The following KIF26B variants were observed in gnomAD, a reference collection of about 807,000 sequenced individuals.
KIF26B encodes kinesin-like protein KIF26B.
Under a neutral mutation model 151.2 loss-of-function variants are expected in KIF26B, and 63 were observed. The observed-to-expected ratio is 0.42, with a 90% CI of 0.34 to 0.51. The LOEUF (loss-of-function observed/expected upper bound fraction) is 0.51, where lower values mean the gene tolerates loss of function less well. Among genes scored for constraint, KIF26B ranks in the 20% least tolerant of loss-of-function variants. The pLI is 0.07. For synonymous variants in KIF26B, 1,357 were observed against 1,262.1 expected, an observed-to-expected ratio of 1.08 and a Z score of -1.59; for missense variants, 2,813 against 2,913.6, an observed-to-expected ratio of 0.97 and a Z score of 0.79.
chr1:245,609,193 A>G, intron 7 of KIF26B, 73 bp from the exon 8 acceptor site: 1 of 1,357,486 alleles, frequency 7.4e-7, no homozygotes, highest in Admixed American at 2.8e-5. Context: ...TATCCTTGGC[A>G]TCTATTTTGG....
At chr1:245,395,954 C>G (rs1385671630) in intron 3 of KIF26B, among the ~76,000 whole-genome samples, 1 of 152,280 alleles carries the variant, frequency 6.6e-6, no homozygotes. Flanking sequence ...AAATTTCTTC[C>G]TAGCGATGGT....
chr1:245,655,986 T>G (rs148527673), intron 10 of KIF26B, among the ~76,000 whole-genome samples: 113 of 152,318 alleles, frequency 7.4e-4, no homozygotes, highest in African/African-American at 2.6e-3. Flanking sequence ...TGGAGGAATT[T>G]AAGGAACTGG....
chr1:245,436,960 C>T lies in KIF26B; in HGVS notation c.1166+17215C>T, dbSNP rs561635140. Reference sequence around the variant, plus strand: ...GGAGTGCAGTGGCATGACCTCAGCTCACTGCAACCTCCACCTCCTGGGTTC... The same window carrying T: ...GGAGTGCAGTGGCATGACCTCAGCTTACTGCAACCTCCACCTCCTGGGTTC... On this transcript the variant is annotated intron_variant, in intron 4 of 14. Transcript: ENST00000407071. Among the ~76,000 whole-genome samples, 18 of 147,792 alleles carry T rather than the reference C, an allele frequency of 1.2e-4. No homozygotes were observed. In the South Asian group the frequency reaches 3.4e-3, roughly 28 times the overall value.
At position 245,267,078 on chromosome 1, in the gene KIF26B, G is replaced by A. The variant is rs148532738; in HGVS notation, c.466-99756G>A. ...AAGCAAGGTTTGATTTGGATTTGCA[G>A]TGTCTCCCCTAAATGCTCAGCTCCT... is the stretch of plus-strand genomic sequence containing the variant. On this transcript the variant is annotated intron_variant, in intron 2 of 14. Coordinates refer to ENST00000407071, the MANE Select transcript of KIF26B (RefSeq NM_018012.4). 3.0e-3 allele frequency among the ~76,000 whole-genome samples: 450 copies of A among 152,322 alleles called. 2 individuals carry two copies. Among genetic ancestry groups the A allele is most frequent in the African/African-American group, 0.01 (430 of 41,562 alleles).
chr1:245,297,174 C>A (rs576043961), intron 2 of KIF26B, among the ~76,000 whole-genome samples: 1 of 152,236 alleles, frequency 6.6e-6, no homozygotes, highest in East Asian at 1.9e-4. Context: ...GAAACCCCAT[C>A]TCTACTAAAA....
At chr1:245,541,754 C>T (rs1288543674) in intron 5 of KIF26B, among the ~76,000 whole-genome samples, 5 of 151,962 alleles carry the variant, frequency 3.3e-5, no homozygotes, top group Admixed American at 2.0e-4. Flanking sequence ...TTCATTTGGC[C>T]GCCGTTGCTA....
intron 2 of KIF26B, among the ~76,000 whole-genome samples, chr1:245,363,955 C>A (rs1270391553): frequency 7.2e-5 from 11 of 152,136 alleles, no homozygotes; most frequent in Non-Finnish European, 8.8e-5. Flanking sequence ...TGATTGATGT[C>A]TTGTGAACCC....
chr1:245,623,514 A>G (rs2043687759), intron 9 of KIF26B, among the ~76,000 whole-genome samples: 1 of 152,128 alleles, frequency 6.6e-6, no homozygotes, highest in African/African-American at 2.4e-5. Context: ...TGTTGTTTCC[A>G]GTTTGGGGAT....
intron 12 of KIF26B, among the ~76,000 whole-genome samples, chr1:245,692,536 C>T (rs2147962893): frequency 6.6e-6 from 1 of 152,078 alleles, no homozygotes; most frequent in South Asian, 2.1e-4. Context: ...AAGAGCCTGG[C>T]CTGTGGGCGA....
chr1:245,572,656 G>T lies in KIF26B; in HGVS notation c.1351-29921G>T, dbSNP rs2043076683. On this transcript the variant is annotated intron_variant, in intron 5 of 14. Coordinates refer to ENST00000407071, the MANE Select transcript of KIF26B (RefSeq NM_018012.4). The surrounding 1 kb of genome is among the most constrained non-coding windows in gnomAD (Gnocchi z 4.2). ...AATATTCAGTTGCCTTTCCTAGAAG[G>T]AATCATCCCGATGATACTATTCCTT... Among the ~76,000 whole-genome samples, 1 of 152,058 alleles carries T rather than the reference G, an allele frequency of 6.6e-6. No homozygotes were observed. The highest frequency in any genetic ancestry group is 2.4e-5 in the African/African-American group (1 of 41,388).
intron 2 of KIF26B, among the ~76,000 whole-genome samples, chr1:245,229,076 C>T (rs1214509914): frequency 6.6e-6 from 1 of 152,200 alleles, no homozygotes; most frequent in Non-Finnish European, 1.5e-5. Flanking sequence ...AAGCGATTCA[C>T]ATGTCTCAGC....
At chr1:245,246,942 TACAG>T (rs1170881758) in intron 2 of KIF26B, among the ~76,000 whole-genome samples, 2 of 131,748 alleles carry the variant, frequency 1.5e-5, no homozygotes, top group Admixed American at 1.5e-4. Context: ...CACACACAGA[TACAG>T]ACACACACAC....
In KIF26B at chr1:245,540,676, G is replaced by A; in HGVS notation, c.1167-91G>A. ...AGAAGGAATGATTAGGCCTCAGAAA[G>A]AACGAGGGGTTGTTTAAGAGAAAAC... is the stretch of plus-strand genomic sequence containing the variant. On this transcript the variant is annotated intron_variant, in intron 4 of 14. Transcript: ENST00000407071. This position sits in a 1 kb window ranked among gnomAD's most constrained non-coding sequence, Gnocchi z 4.6. 1 of 1,143,902 alleles carries A rather than the reference G, an allele frequency of 8.7e-7. No individual in the cohort carries two copies. The highest frequency in any genetic ancestry group is 1.5e-5 in the African/African-American group (1 of 65,846). 70.9% of individuals were successfully genotyped at this position (1,143,902 alleles called of 1,614,324 possible). A position where few individuals can be genotyped will look rare whatever the true frequency, so the allele number is the denominator to read the frequency against.
chr1:245,584,819 A>T (rs1054609862), intron 5 of KIF26B, among the ~76,000 whole-genome samples: 8 of 152,254 alleles, frequency 5.3e-5, no homozygotes, highest in African/African-American at 1.9e-4. Context: ...GATCCTTCCT[A>T]AGGTAAACAT....
At chr1:245,464,611 GGT>G (rs1339029529) in intron 4 of KIF26B, among the ~76,000 whole-genome samples, 1 of 137,594 alleles carries the variant, frequency 7.3e-6, no homozygotes, top group Non-Finnish European at 1.6e-5. Flanking sequence ...TGTGCGTGTG[GGT>G]GTGTGGGTGT....
At chr1:245,431,000 T>A (rs1183331610) in intron 4 of KIF26B, among the ~76,000 whole-genome samples, 1 of 152,230 alleles carries the variant, frequency 6.6e-6, no homozygotes, top group African/African-American at 2.4e-5. Flanking sequence ...CAAGAAATGT[T>A]TGTTGAATAA....
rs1668428656 is a variant in KIF26B, at chr1:245,156,218, C to T, written c.64-64C>T. The T allele has an allele frequency of 2.6e-6, 4 of 1,514,966 alleles. No individual in the cohort carries two copies. The Middle Eastern group carries it at 7.1e-4, about 271-fold the overall frequency. 93.8% of individuals were successfully genotyped at this position (1,514,966 alleles called of 1,614,324 possible). On this transcript the variant is annotated intron_variant, in intron 1 of 14. Coordinates refer to ENST00000407071, the MANE Select transcript of KIF26B (RefSeq NM_018012.4). Reference sequence around the variant, plus strand: ...GGGTACTTGGTGGCGCACGTATGACCCAGCTCCTGGGCGCTGCAGCCCGCC... The same window carrying T: ...GGGTACTTGGTGGCGCACGTATGACTCAGCTCCTGGGCGCTGCAGCCCGCC...
At chr1:245,681,574 C>T (rs141614630) in intron 10 of KIF26B, among the ~76,000 whole-genome samples, 320 of 152,212 alleles carry the variant, frequency 2.1e-3, no homozygotes, top group African/African-American at 7.2e-3. Context: ...GATGCGCCTT[C>T]GGCCCATCTG....
At chr1:245,432,677 A>G (rs1168112753) in intron 4 of KIF26B, among the ~76,000 whole-genome samples, 2 of 152,210 alleles carry the variant, frequency 1.3e-5, no homozygotes, top group Non-Finnish European at 2.9e-5. Context: ...TGTGGAAGAC[A>G]TTATAGAAAC....
Sources: allele counts gnomAD v4.1 joint callset (sites outside exome capture counted in the v4.1 genomes callset), GRCh38; gene constraint gnomAD v4.1.1; non-coding constraint Gnocchi (gnomAD v3.1); transcripts MANE v1.5; gene names NCBI Gene and HGNC (gene_info 2026-07-23, HGNC 2026-07-21).